The following FGGY variants were observed in gnomAD, a reference collection of about 807,000 sequenced individuals.
FGGY encodes FGGY carbohydrate kinase domain containing.
FGGY carries 72 observed loss-of-function variants against 71.3 expected under a neutral mutation model. The observed-to-expected ratio is 1.01, with a 90% CI of 0.84 to 1.23. The LOEUF is 1.23. Ranked by LOEUF, FGGY falls within the 50% of genes most tolerant of loss-of-function variation. FGGY has a pLI of 0.00. For missense variants in FGGY, 668 were observed against 682.3 expected (o/e 0.98, Z 0.23); for synonymous variants, 251 against 250.3 (o/e 1.00, Z -0.02).
intron 2 of FGGY, 72 bp downstream of exon 2, chr1:59,321,822 C>A (rs184067447): frequency 1.4e-6 from 2 of 1,470,212 alleles, no homozygotes; most frequent in South Asian, 1.3e-5. Flanking sequence ...AATCTGGTGC[C>A]GTAAACAATG....
At chr1:59,649,915 A>G (rs1337360126) in intron 11 of FGGY, among the ~76,000 whole-genome samples, 3 of 143,320 alleles carry the variant, frequency 2.1e-5, no homozygotes, top group East Asian at 2.0e-4. Context: ...ATTATTTTGA[A>G]ATACGTCCCA....
intron 8 of FGGY, among the ~76,000 whole-genome samples, chr1:59,589,799 G>A (rs1230752674): frequency 6.6e-6 from 1 of 151,920 alleles, no homozygotes; most frequent in African/African-American, 2.4e-5. Context: ...TGTGTAGAGG[G>A]AAATTTATAG....
At chr1:59,746,409 T>C (rs1290205180) in intron 14 of FGGY, among the ~76,000 whole-genome samples, 1 of 152,238 alleles carries the variant, frequency 6.6e-6, no homozygotes, top group Non-Finnish European at 1.5e-5. Flanking sequence ...TTTATTTCAG[T>C]TGATAGGTAC....
At chr1:59,424,786 T>C (rs184263648) in intron 5 of FGGY, among the ~76,000 whole-genome samples, 140 of 152,268 alleles carry the variant, frequency 9.2e-4, no homozygotes, top group Non-Finnish European at 1.6e-3. Context: ...GTAGGCACCA[T>C]TCAGTGCTGT....
At position 59,533,471 on chromosome 1, in the gene FGGY, G is replaced by C. The variant is rs193046816; in HGVS notation, c.800-20653G>C. On this transcript the variant is annotated intron_variant, in intron 7 of 15. Coordinates refer to ENST00000303721, the MANE Select transcript of FGGY (RefSeq NM_018291.5). ...GCTTGCTTAGGTAAGCAAAGCAGCC[G>C]GGAAGCTCGAACTGGGTGGAGCCCA... Among the ~76,000 whole-genome samples the C allele has an allele frequency of 2.0e-3, 305 of 152,306 alleles. 7 individuals carry two copies. Among genetic ancestry groups the C allele is most frequent in the South Asian group, 1.2e-3 (6 of 4,830 alleles).
chr1:59,316,708 G>C (rs1196547134), intron 1 of FGGY, among the ~76,000 whole-genome samples: 1 of 152,186 alleles, frequency 6.6e-6, no homozygotes, highest in Non-Finnish European at 1.5e-5. Flanking sequence ...CTAAAAGTCA[G>C]TCCAGTCCAT....
At chr1:59,544,614 A>G (rs920346638) in intron 7 of FGGY, among the ~76,000 whole-genome samples, 1 of 152,226 alleles carries the variant, frequency 6.6e-6, no homozygotes, top group South Asian at 2.1e-4. Context: ...ATTTTGGGAT[A>G]GCATGTCCTG....
intron 8 of FGGY, among the ~76,000 whole-genome samples, chr1:59,555,045 G>A (rs2095663317): frequency 6.6e-6 from 1 of 152,158 alleles, no homozygotes; most frequent in African/African-American, 2.4e-5. Context: ...AGACTGTTTT[G>A]CAACTGTAGG....
intron 8 of FGGY, among the ~76,000 whole-genome samples, chr1:59,604,941 G>A (rs761253087): frequency 3.3e-5 from 5 of 152,178 alleles, no homozygotes; most frequent in Admixed American, 1.3e-4. Context: ...GAATTGGCAC[G>A]TGATAAAATT....
At chr1:59,515,838 G>C (rs1259343702) in intron 7 of FGGY, among the ~76,000 whole-genome samples, 2 of 152,150 alleles carry the variant, frequency 1.3e-5, no homozygotes. Flanking sequence ...TCTCAGGTTT[G>C]TCTTTATCAG....
intron 6 of FGGY, among the ~76,000 whole-genome samples, chr1:59,485,486 A>T (rs1247890154): frequency 6.6e-6 from 1 of 152,168 alleles, no homozygotes; most frequent in Non-Finnish European, 1.5e-5. Flanking sequence ...TACTCCAGGG[A>T]TGGCAGAACA....
intron 7 of FGGY, among the ~76,000 whole-genome samples, chr1:59,535,610 A>G (rs1016932907): frequency 6.6e-6 from 1 of 151,822 alleles, no homozygotes; most frequent in Non-Finnish European, 1.5e-5. Flanking sequence ...AATGTAAAAG[A>G]ACAGAAATTA....
In FGGY at chr1:59,454,961, G is replaced by A. The variant is rs968122874; in HGVS notation, c.555-2000G>A. Among the ~76,000 whole-genome samples, 8 of 152,296 alleles carry A rather than the reference G, an allele frequency of 5.3e-5. No individual in the cohort carries two copies. The South Asian group carries it at 1.7e-3, about 32-fold the overall frequency. ...TACATCTAGACTATTGTCCTTGTGAGATAGGTTTTGGGTTATCTTTAAAAT... is the reference window on the plus strand; with the variant it reads ...TACATCTAGACTATTGTCCTTGTGAAATAGGTTTTGGGTTATCTTTAAAAT... On this transcript the variant is annotated intron_variant, in intron 5 of 15. Coordinates refer to ENST00000303721, the MANE Select transcript of FGGY (RefSeq NM_018291.5).
chr1:59,375,676 T>G (rs946950921), intron 4 of FGGY, among the ~76,000 whole-genome samples: 1 of 152,136 alleles, frequency 6.6e-6, no homozygotes, highest in African/African-American at 2.4e-5. Flanking sequence ...CTTTGATTGG[T>G]GACGGTTAGT....
intron 14 of FGGY, among the ~76,000 whole-genome samples, chr1:59,745,376 T>G (rs893700597): frequency 2.0e-5 from 3 of 152,212 alleles, no homozygotes; most frequent in Non-Finnish European, 4.4e-5. Flanking sequence ...CCCAGAGCAG[T>G]TGGCCTAGTG....
At chr1:59,548,600 G>A (rs966083535) in intron 7 of FGGY, among the ~76,000 whole-genome samples, 3 of 152,150 alleles carry the variant, frequency 2.0e-5, no homozygotes, top group African/African-American at 7.2e-5. Context: ...AATAAAAACA[G>A]CAAAGGTTCA....
Position 59,644,322 on chromosome 1 carries a change from A to T in FGGY, c.1221+5947A>T, listed in dbSNP as rs74086268. 3.6e-3 allele frequency among the ~76,000 whole-genome samples: 541 copies of T among 152,306 alleles called. 4 individuals carry two copies. Among genetic ancestry groups the T allele is most frequent in the African/African-American group, 0.012 (517 of 41,564 alleles). ...ATCATTTTCTTTTTGTTCTGGTAAC[A>T]GTTGACTCCTATCATGTGACTAGCT... On this transcript the variant is annotated intron_variant, in intron 11 of 15. Coordinates refer to ENST00000303721, the MANE Select transcript of FGGY (RefSeq NM_018291.5).
rs2059299144 is a variant in FGGY at position 59,380,616 on chromosome 1, A to G, written c.554+1779A>G. ...CTTCTTTTGAGAAGTGTCTGTTCAT[A>G]TCCTTTGCCCCCTTTTTGATGGGGT... On this transcript the variant is annotated intron_variant, in intron 5 of 15. Transcript: ENST00000303721. Among the ~76,000 whole-genome samples, 5 of 151,600 alleles carry G rather than the reference A, an allele frequency of 3.3e-5. No individual in the cohort carries two copies. In the South Asian group the frequency reaches 1.0e-3, roughly 31 times the overall value.
chr1:59,472,471 C>G (rs902765303), intron 6 of FGGY, among the ~76,000 whole-genome samples: 1 of 152,180 alleles, frequency 6.6e-6, no homozygotes, highest in Non-Finnish European at 1.5e-5. Context: ...GGAATGCGGG[C>G]GCACGGCGCG....
Sources: allele counts gnomAD v4.1 joint callset (sites outside exome capture counted in the v4.1 genomes callset), GRCh38; gene constraint gnomAD v4.1.1; transcripts MANE v1.5; gene names NCBI Gene and HGNC (gene_info 2026-07-23, HGNC 2026-07-21).